ANKIB1: variants seen among roughly 807,000 people sequenced by gnomAD.
ANKIB1 encodes the protein ankyrin repeat and IBR domain containing 1, also known as ankyrin repeat and IBR domain-containing protein 1.
In ANKIB1, 43 loss-of-function variants were observed where a neutral mutation model predicts 122.1. The ratio of observed to expected loss-of-function variants is 0.35; its 90% confidence interval spans 0.28 to 0.45. The LOEUF is 0.45. ANKIB1 is among the 20% of genes least tolerant of loss of function. ANKIB1 has a pLI of 1.00. For synonymous variants in ANKIB1, 390 were observed against 442.0 expected (o/e 0.88, Z 1.48); for missense variants, 992 against 1,329.5 (o/e 0.75, Z 3.95).
chr7:92,250,482 A>G (rs903158312), intron 1 of ANKIB1, among the ~76,000 whole-genome samples: 2 of 152,260 alleles, frequency 1.3e-5, no homozygotes, highest in African/African-American at 4.8e-5. Context: ...ACATAATTCT[A>G]AAGTTCATTA....
intron 5 of ANKIB1, among the ~76,000 whole-genome samples, chr7:92,330,409 AT>A (rs1309893983): frequency 6.6e-6 from 1 of 152,098 alleles, no homozygotes; most frequent in Non-Finnish European, 1.5e-5. Flanking sequence ...GTTTTTTTAT[AT>A]TTTTTGAAAA....
At chr7:92,325,603 A>G (rs915317333) in intron 4 of ANKIB1, among the ~76,000 whole-genome samples, 1 of 152,040 alleles carries the variant, frequency 6.6e-6, no homozygotes, top group African/African-American at 2.4e-5. Context: ...TAACAGTTAC[A>G]GTTACTTTTG....
intron 19 of ANKIB1, 27 bp from the exon 20 acceptor site, chr7:92,398,185 A>C: frequency 6.5e-7 from 1 of 1,536,850 alleles, no homozygotes; most frequent in Non-Finnish European, 8.7e-7. Flanking sequence ...TCAAATTTTA[A>C]AGTGGTTTTG....
rs1395490415 is a variant in ANKIB1, at chr7:92,399,806, C to T, written c.*857C>T. ...ATATTAAAATACAGTTGATTAGCAA[C>T]AGCGGTGCTGTATTTTAAGAGACAC... On this transcript the variant is annotated 3_prime_UTR_variant, in exon 20 of 20. Transcript: ENST00000265742. 1.3e-5 allele frequency: 2 copies of T among 152,166 alleles called. No individual in the cohort carries two copies. The allele number at this position is 152,166 out of a possible 1,614,324, so 9.4% of individuals were successfully genotyped here. A position where few individuals can be genotyped will look rare whatever the true frequency, so the allele number is the denominator to read the frequency against.
chr7:92,399,065 T>G lies in ANKIB1; in HGVS notation c.*116T>G, dbSNP rs1243442182. The G allele has an allele frequency of 6.0e-6, 7 of 1,174,480 alleles. No individual in the cohort carries two copies. The highest frequency in any genetic ancestry group is 1.6e-5 in the African/African-American group (1 of 63,950). The allele number at this position is 1,174,480 out of a possible 1,614,324, so 72.8% of individuals were successfully genotyped here. On this transcript the variant is annotated 3_prime_UTR_variant, in exon 20 of 20. Coordinates refer to ENST00000265742, the MANE Select transcript of ANKIB1 (RefSeq NM_019004.2). ...CAACTCAGTGATAAACCACTGACATTAGGGTTGAATACAGAGAAGTTCCCT... is the reference window on the plus strand; with the variant it reads ...CAACTCAGTGATAAACCACTGACATGAGGGTTGAATACAGAGAAGTTCCCT...
chr7:92,350,946 A>G lies in ANKIB1; in HGVS notation c.1086-4A>G. ...GTTTGATGTGCATTGATCCATTTTA[A>G]TAGGTTTTTGAATCTGAAAATTCAA... On this transcript the variant is annotated splice_region_variant and splice_polypyrimidine_tract_variant and intron_variant, in intron 7 of 19. Coordinates refer to ENST00000265742, the MANE Select transcript of ANKIB1 (RefSeq NM_019004.2). 6.2e-7 allele frequency: 1 copy of G among 1,600,398 alleles called. No homozygotes were observed. Among genetic ancestry groups the G allele is most frequent in the Non-Finnish European group, 8.5e-7 (1 of 1,174,472 alleles).
At chr7:92,291,603 C>T (rs955508215) in intron 1 of ANKIB1, among the ~76,000 whole-genome samples, 13 of 127,496 alleles carry the variant, frequency 1.0e-4, no homozygotes, top group Non-Finnish European at 1.3e-4. Context: ...CAGAGTCTTA[C>T]ACTGTGGCCT....
At chr7:92,286,477 G>A (rs1029932311) in intron 1 of ANKIB1, among the ~76,000 whole-genome samples, 65 of 143,802 alleles carry the variant, frequency 4.5e-4, no homozygotes, top group African/African-American at 1.5e-3. Flanking sequence ...GATATTATCC[G>A]TATTTTTTTT....
chr7:92,340,823 G>A (rs1047045020), intron 5 of ANKIB1, among the ~76,000 whole-genome samples: 47 of 152,182 alleles, frequency 3.1e-4, no homozygotes, highest in Non-Finnish European at 6.2e-4. Flanking sequence ...GATATGGATA[G>A]GTAATTCATA....
chr7:92,273,466 C>T (rs1030384974), intron 1 of ANKIB1, among the ~76,000 whole-genome samples: 3 of 152,154 alleles, frequency 2.0e-5, no homozygotes, highest in African/African-American at 7.2e-5. Context: ...ATCCAGAAAC[C>T]TCTCCTAGAT....
At chr7:92,316,497 C>T (rs866755485) in intron 3 of ANKIB1, among the ~76,000 whole-genome samples, 1 of 152,172 alleles carries the variant, frequency 6.6e-6, no homozygotes, top group Middle Eastern at 3.2e-3. Context: ...TTTTCATAGC[C>T]AAGTCTAATG....
rs548030237 is a variant in ANKIB1, at chr7:92,331,774, G to A, written c.787+3874G>A. 1.4e-4 allele frequency among the ~76,000 whole-genome samples: 22 copies of A among 152,166 alleles called. No individual in the cohort carries two copies. In the South Asian group the frequency reaches 3.3e-3, roughly 23 times the overall value. On this transcript the variant is annotated intron_variant, in intron 5 of 19. Transcript: ENST00000265742. Reference sequence around the variant, plus strand: ...TCACATGGCCACACCTCACTGTCACGTGGCCATACCTAACTGCAAACAAAA... The same window carrying A: ...TCACATGGCCACACCTCACTGTCACATGGCCATACCTAACTGCAAACAAAA...
intron 2 of ANKIB1, among the ~76,000 whole-genome samples, chr7:92,300,208 C>T (rs1802433453): frequency 6.6e-6 from 1 of 152,160 alleles, no homozygotes; most frequent in African/African-American, 2.4e-5. Context: ...CTGTCCCTGT[C>T]ATGTGGTTAT....
intron 1 of ANKIB1, among the ~76,000 whole-genome samples, chr7:92,260,132 C>T (rs564006056): frequency 1.7e-4 from 26 of 152,144 alleles, no homozygotes; most frequent in African/African-American, 5.8e-4. Context: ...CCCCTTTTAC[C>T]GAGAATAAAA....
intron 8 of ANKIB1, among the ~76,000 whole-genome samples, chr7:92,352,213 T>C (rs1035121215): frequency 1.3e-5 from 2 of 152,228 alleles, no homozygotes; most frequent in Non-Finnish European, 2.9e-5. Context: ...TTTTGCTTTA[T>C]CATCATTTAC....
chr7:92,307,699 T>C lies in ANKIB1; in HGVS notation c.486+43T>C, dbSNP rs1201961827. 2.2e-6 allele frequency: 3 copies of C among 1,368,324 alleles called. No homozygotes were observed. The African/African-American group carries it at 4.5e-5, about 20-fold the overall frequency. 84.8% of individuals were successfully genotyped at this position (1,368,324 alleles called of 1,614,324 possible). A position where few individuals can be genotyped will look rare whatever the true frequency, so the allele number is the denominator to read the frequency against. ...TTAATATTCTGCATTGTAAAATTTG[T>C]ATCCAGGTGATATGTAACTGTCAGG... On this transcript the variant is annotated intron_variant, in intron 3 of 19. Transcript: ENST00000265742.
At position 92,398,546 on chromosome 7, in the gene ANKIB1, C is replaced by T; in HGVS notation, c.2867C>T (p.Pro956Leu). The T allele has an allele frequency of 6.2e-7, 1 of 1,613,954 alleles. No individual in the cohort carries two copies. Among genetic ancestry groups the T allele is most frequent in the Non-Finnish European group, 8.5e-7 (1 of 1,179,876 alleles). ...RSDFCPSSSDPDSAGQDPNIN... is the reference protein window; with the variant it reads ...RSDFCPSSSDLDSAGQDPNIN... ...GATTTCTGTCCCTCATCTAGTGATC[C>T]TGACTCAGCTGGCCAGGACCCCAAC... is the stretch of plus-strand genomic sequence containing the variant. The change falls in exon 20 of 20, where the codon CCT (proline) becomes CTT (leucine). Residue 956 changes from proline to leucine, a missense_variant. Around this residue, in one of 4 missense-constraint regions of ANKIB1, gnomAD observed 384 missense variants for 412.0 expected, o/e 0.93. Transcript: ENST00000265742.
chr7:92,316,049 A>G lies in ANKIB1; in HGVS notation c.487-3281A>G, dbSNP rs562791974. 4.6e-5 allele frequency among the ~76,000 whole-genome samples: 7 copies of G among 152,298 alleles called. No individual in the cohort carries two copies. In the South Asian group the frequency reaches 8.3e-4, roughly 18 times the overall value. ...TACCCCTCTTCCTCTGGAATTGTGA[A>G]GGGAAAGAAAGGCAGAATAGAAGAA... On this transcript the variant is annotated intron_variant, in intron 3 of 19. Coordinates refer to ENST00000265742, the MANE Select transcript of ANKIB1 (RefSeq NM_019004.2).
chr7:92,343,548 C>T (rs1323498758), intron 6 of ANKIB1, among the ~76,000 whole-genome samples: 1 of 152,036 alleles, frequency 6.6e-6, no homozygotes, highest in African/African-American at 2.4e-5. Flanking sequence ...TAAATACAGG[C>T]CAGGCACAGT....
Sources: allele counts gnomAD v4.1 joint callset (sites outside exome capture counted in the v4.1 genomes callset), GRCh38; gene constraint gnomAD v4.1.1; regional missense constraint gnomAD v4.1.1; transcripts MANE v1.5; gene names NCBI Gene and HGNC (gene_info 2026-07-23, HGNC 2026-07-21).